The following CMTM7 variants were observed in gnomAD, a reference collection of about 807,000 sequenced individuals.
CMTM7 encodes CKLF like MARVEL transmembrane domain containing 7.
A neutral mutation model predicts 19.3 loss-of-function variants in CMTM7; 7 were observed. The ratio of observed to expected loss-of-function variants is 0.36; its 90% confidence interval spans 0.21 to 0.68. The LOEUF (loss-of-function observed/expected upper bound fraction) is 0.68. CMTM7 is among the 30% of genes least tolerant of loss of function. The probability of loss-of-function intolerance (pLI) is 0.60; values close to 1 mark genes in which losing one functional copy is unlikely to be tolerated. For synonymous variants in CMTM7, 87 were observed against 99.3 expected, an observed-to-expected ratio of 0.88 and a Z score of 0.74; for missense variants, 193 against 232.6, an observed-to-expected ratio of 0.83 and a Z score of 1.11.
chr3:32,448,769 AG>A (rs1459686434), intron 2 of CMTM7, among the ~76,000 whole-genome samples: 1 of 149,052 alleles, frequency 6.7e-6, no homozygotes, highest in Non-Finnish European at 1.5e-5. Context: ...AAAAGAGAAG[AG>A]GGAATGACAG....
chr3:32,392,148 C>T, intron 1 of CMTM7, 83 bp downstream of exon 1: 1 of 1,073,140 alleles, frequency 9.3e-7, no homozygotes, highest in Non-Finnish European at 1.2e-6. Context: ...CGCCGGGCGT[C>T]TGGACCCGGC....
In CMTM7 at chr3:32,391,913, C is replaced by A. The variant is rs1695840039; in HGVS notation, c.7C>A (p.His3Asn). 1 of 1,223,238 alleles carries A rather than the reference C, an allele frequency of 8.2e-7. No individual in the cohort carries two copies. Among genetic ancestry groups the A allele is most frequent in the Admixed American group, 4.3e-5 (1 of 23,348 alleles). 75.8% of individuals were successfully genotyped at this position (1,223,238 alleles called of 1,614,324 possible). A position where few individuals can be genotyped will look rare whatever the true frequency, so the allele number is the denominator to read the frequency against. MS[H>N]GAGLVRTTCS... ...AGCGAGCTGGGGCCGCGCAATGTCG[C>A]ACGGAGCCGGGCTCGTCCGCACCAC... The change falls in exon 1 of 5, where the codon CAC (histidine) becomes AAC (asparagine). Residue 3 changes from histidine to asparagine, a missense_variant. By Grantham distance (68) the His-to-Asn change is moderately conservative (BLOSUM62 1). Transcript: ENST00000334983.
chr3:32,392,015 G>A lies in CMTM7; in HGVS notation c.109G>A (p.Asp37Asn). Residue 37 changes from aspartate (D) to asparagine (N), a missense_variant, in exon 1 of 5, where the codon GAC becomes AAC. By Grantham distance (23) the Asp-to-Asn change is conservative. Transcript: ENST00000334983. ...PSASPLEGLL[D>N]LSYPRTHAAL... is the part of the protein sequence containing the mutation. ...CGCGAGCCCCTTGGAGGGGCTGCTGGACCTCAGCTACCCCCGCACCCACGC... is the reference window on the plus strand; with the variant it reads ...CGCGAGCCCCTTGGAGGGGCTGCTGAACCTCAGCTACCCCCGCACCCACGC... 1.6e-6 allele frequency: 2 copies of A among 1,235,064 alleles called. No individual in the cohort carries two copies. The highest frequency in any genetic ancestry group is 2.0e-6 in the Non-Finnish European group (2 of 987,104). The allele number at this position is 1,235,064 out of a possible 1,614,324, so 76.5% of individuals were successfully genotyped here. A position where few individuals can be genotyped will look rare whatever the true frequency, so the allele number is the denominator to read the frequency against.
At chr3:32,395,104 G>A (rs374397423) in intron 1 of CMTM7, among the ~76,000 whole-genome samples, 3 of 149,588 alleles carry the variant, frequency 2.0e-5, no homozygotes, top group African/African-American at 2.5e-5. Flanking sequence ...TCCTGGGCTC[G>A]GCGATTGTCC....
intron 1 of CMTM7, among the ~76,000 whole-genome samples, chr3:32,420,124 GTTTA>G (rs1192881823): frequency 6.6e-6 from 1 of 152,242 alleles, no homozygotes; most frequent in African/African-American, 2.4e-5. Flanking sequence ...TAGAAGAACA[GTTTA>G]TTTGTGTTTA....
chr3:32,430,681 ATGTGTGTGTGTGTGTGTG>A (rs35054129), intron 1 of CMTM7, among the ~76,000 whole-genome samples: 1 of 133,932 alleles, frequency 7.5e-6, no homozygotes, highest in Non-Finnish European at 1.6e-5. Context: ...CTACATCTGA[ATGTGTGTGTGTGTGTGTG>A]TGTGTGTGTG....
chr3:32,448,774 A>G (rs1262187870), intron 2 of CMTM7, among the ~76,000 whole-genome samples: 1 of 151,308 alleles, frequency 6.6e-6, no homozygotes, highest in Non-Finnish European at 1.5e-5. Context: ...AGAAGAGGGA[A>G]TGACAGGAAA....
Position 32,454,248 on chromosome 3 carries a change from C to T in CMTM7, c.522C>T (p.Ala174=), listed in dbSNP as rs769230155. 58 of 1,604,046 alleles carry T rather than the reference C, an allele frequency of 3.6e-5. No individual in the cohort carries two copies. The highest frequency in any genetic ancestry group is 4.6e-5 in the Non-Finnish European group (54 of 1,172,436). ...TGCCATTTCCTTCCCAAGATGCAGCCGTCTGATGAGGCCACAACCCCTAGG... is the reference window on the plus strand; with the variant it reads ...TGCCATTTCCTTCCCAAGATGCAGCTGTCTGATGAGGCCACAACCCCTAGG... ...ISCVTQSTDA[A]V Residue 174 remains alanine, a synonymous_variant, in exon 5 of 5, where the codon GCC becomes GCT. Transcript: ENST00000334983.
chr3:32,406,775 G>A (rs1382205410), intron 1 of CMTM7, among the ~76,000 whole-genome samples: 1 of 152,164 alleles, frequency 6.6e-6, no homozygotes, highest in Admixed American at 6.5e-5. Context: ...GGACAAAGAC[G>A]AGTTTCAGAA....
chr3:32,396,116 G>T (rs1262519181), intron 1 of CMTM7, among the ~76,000 whole-genome samples: 6 of 152,186 alleles, frequency 3.9e-5, no homozygotes, highest in East Asian at 1.9e-4. Context: ...TAGATTAGTG[G>T]TTGCCTAGGT....
Position 32,407,596 on chromosome 3 carries a change from C to T in CMTM7, c.159+15531C>T, listed in dbSNP as rs11921000. Reference sequence around the variant, plus strand: ...CCTTCGTGACACATACTGTTTTCACCTGGGAAAGGTGAAAGAGGCAACACA... The same window carrying T: ...CCTTCGTGACACATACTGTTTTCACTTGGGAAAGGTGAAAGAGGCAACACA... On this transcript the variant is annotated intron_variant, in intron 1 of 4. Transcript: ENST00000334983. 3.1e-3 allele frequency among the ~76,000 whole-genome samples: 477 copies of T among 152,198 alleles called. 5 individuals carry two copies. The highest frequency in any genetic ancestry group is 0.011 in the African/African-American group (463 of 41,512).
At chr3:32,450,381 G>A (rs528080548) in intron 3 of CMTM7, among the ~76,000 whole-genome samples, 4 of 152,294 alleles carry the variant, frequency 2.6e-5, no homozygotes, top group Non-Finnish European at 5.9e-5. Flanking sequence ...GCAACGTACT[G>A]AGACCCTGTG....
At chr3:32,452,355 T>C (rs769459510) in intron 3 of CMTM7, 37 bp from the exon 4 acceptor site, 9 of 1,614,118 alleles carry the variant, frequency 5.6e-6, no homozygotes, top group South Asian at 2.2e-5. Context: ...ATTAGCCCTA[T>C]GGCCTGTGAA....
At chr3:32,409,666 C>G (rs1696143443) in intron 1 of CMTM7, among the ~76,000 whole-genome samples, 1 of 152,210 alleles carries the variant, frequency 6.6e-6, no homozygotes, top group Non-Finnish European at 1.5e-5. Context: ...CAGGACACAG[C>G]TGTCCCTTCA....
rs116305906 is a variant in CMTM7 at position 32,424,431 on chromosome 3, G to A, written c.160-17409G>A. Among the ~76,000 whole-genome samples the A allele has an allele frequency of 8.3e-3, 1,266 of 152,286 alleles. 7 individuals carry two copies. The highest frequency in any genetic ancestry group is 0.039 in the East Asian group (203 of 5,180). On this transcript the variant is annotated intron_variant, in intron 1 of 4. Transcript: ENST00000334983. ...AGGAAACAGATTATACTTCCTGATG[G>A]GGAGTGGCAAGGTTCTGCAAGAGCA...
chr3:32,412,869 G>C (rs533659230), intron 1 of CMTM7, among the ~76,000 whole-genome samples: 17 of 152,210 alleles, frequency 1.1e-4, no homozygotes, highest in Admixed American at 2.6e-4. Context: ...TAATGTCCCT[G>C]TTGCTATAAA....
At chr3:32,444,363 C>G (rs995783642) in intron 2 of CMTM7, among the ~76,000 whole-genome samples, 1 of 152,188 alleles carries the variant, frequency 6.6e-6, no homozygotes. Flanking sequence ...AATCAGTTGA[C>G]CATTAAATAC....
In CMTM7 at chr3:32,391,884, G is replaced by T; in HGVS notation, c.-23G>T. The T allele has an allele frequency of 8.3e-7, 1 of 1,208,652 alleles. No homozygotes were observed. Among genetic ancestry groups the T allele is most frequent in the Non-Finnish European group, 1.0e-6 (1 of 972,746 alleles). 74.9% of individuals were successfully genotyped at this position (1,208,652 alleles called of 1,614,324 possible). ...CCCCTGGGCAGCTGCCCGGGGAGGC[G>T]GCCAGCGAGCTGGGGCCGCGCAATG... On this transcript the variant is annotated 5_prime_UTR_variant, in exon 1 of 5. Transcript: ENST00000334983.
rs59568281 is a variant in CMTM7 at position 32,442,498 on chromosome 3, CAAAAAAAAAAAAAAA to C, written c.333+500_333+514del. On this transcript the variant is annotated intron_variant, in intron 2 of 4. Transcript: ENST00000334983. ...CTGGGTGACAGAGCGAGACTCCTCT[CAAAAAAAAAAAAAAA>C]AAAAAAAAAAAAAAGAAGAAGGCTG... Among the ~76,000 whole-genome samples, 7 of 80,050 alleles carry C rather than the reference CAAAAAAAAAAAAAAA, an allele frequency of 8.7e-5. No individual in the cohort carries two copies. The South Asian group carries it at 3.2e-3, about 37-fold the overall frequency. The allele number at this position is 80,050 out of a possible 152,430, so 52.5% of individuals were successfully genotyped here.
Sources: allele counts gnomAD v4.1 joint callset (sites outside exome capture counted in the v4.1 genomes callset), GRCh38; gene constraint gnomAD v4.1.1; transcripts MANE v1.5; gene names NCBI Gene and HGNC (gene_info 2026-07-23, HGNC 2026-07-21).